Variants in FAM222B observed in about 807,000 individuals in gnomAD.
FAM222B encodes protein FAM222B.
Under a neutral mutation model 38.0 loss-of-function variants are expected in FAM222B, and 12 were observed. That is an observed-to-expected ratio of 0.32 (90% CI 0.20 to 0.51). The LOEUF is 0.51. FAM222B is among the 20% of genes least tolerant of loss of function. FAM222B has a pLI of 0.97. For missense variants in FAM222B, 716 were observed against 754.2 expected (o/e 0.95, Z 0.59); for synonymous variants, 329 against 317.2 (o/e 1.04, Z -0.40).
intron 2 of FAM222B, among the ~76,000 whole-genome samples, chr17:28,763,713 C>T (rs1478595786): frequency 1.3e-5 from 2 of 152,204 alleles, no homozygotes; most frequent in Non-Finnish European, 1.5e-5. Context: ...TCTCTCTATA[C>T]CTTATCCTTC....
intron 1 of FAM222B, among the ~76,000 whole-genome samples, chr17:28,788,227 T>G (rs1298636360): frequency 6.6e-6 from 1 of 152,156 alleles, no homozygotes; most frequent in Non-Finnish European, 1.5e-5. Flanking sequence ...AATTCAAAAG[T>G]CATTCAGAAT....
chr17:28,794,273 C>G (rs2036837750), intron 1 of FAM222B, among the ~76,000 whole-genome samples: 1 of 150,956 alleles, frequency 6.6e-6, no homozygotes, highest in African/African-American at 2.4e-5. Flanking sequence ...GGCTGGAGTG[C>G]AGTGGTGCGA....
intron 1 of FAM222B, among the ~76,000 whole-genome samples, chr17:28,822,832 A>ATAC (rs1423125822): frequency 7.0e-5 from 3 of 42,806 alleles, no homozygotes; most frequent in Non-Finnish European, 1.1e-4. Flanking sequence ...AAAAAAAAAA[A>ATAC]ATATATATAT....
At chr17:28,833,049 A>T (rs1375061578) in intron 1 of FAM222B, among the ~76,000 whole-genome samples, 1 of 149,102 alleles carries the variant, frequency 6.7e-6, no homozygotes, top group Non-Finnish European at 1.5e-5. Context: ...GGGGCCAGGC[A>T]CGGTGACTCA....
chr17:28,852,987 A>C lies in FAM222B; in HGVS notation c.-41+1963T>G, dbSNP rs1284294428. On this transcript the variant is annotated intron_variant, in intron 1 of 2. Transcript: ENST00000577513. ...GGTGGGCGGATCACCTGAGGTCGGGAGTTCAAGACCAGCCTGACCAACATG... is the reference window on the plus strand; with the variant it reads ...GGTGGGCGGATCACCTGAGGTCGGGCGTTCAAGACCAGCCTGACCAACATG... 2.0e-5 allele frequency among the ~76,000 whole-genome samples: 3 copies of C among 152,228 alleles called. No homozygotes were observed. The East Asian group carries it at 5.8e-4, about 29-fold the overall frequency.
intron 1 of FAM222B, among the ~76,000 whole-genome samples, chr17:28,778,697 G>GTATATATATATATATATATA (rs1204895077): frequency 2.4e-4 from 11 of 45,340 alleles, no homozygotes; most frequent in Admixed American, 6.8e-4. Flanking sequence ...GTGTGTGTGT[G>GTATATATATATATATATATA]TATATATATA....
intron 1 of FAM222B, among the ~76,000 whole-genome samples, chr17:28,822,832 A>AATATATATATATAT (rs1254235399): frequency 4.9e-4 from 21 of 42,792 alleles, no homozygotes; most frequent in South Asian, 1.1e-3. Context: ...AAAAAAAAAA[A>AATATATATATATAT]ATATATATAT....
At chr17:28,803,467 A>C (rs1278601481) in intron 1 of FAM222B, among the ~76,000 whole-genome samples, 2 of 150,854 alleles carry the variant, frequency 1.3e-5, no homozygotes, top group African/African-American at 4.9e-5. Context: ...CACCACACCC[A>C]CCTAATTTTT....
chr17:28,798,803 G>C (rs934098751), intron 1 of FAM222B, among the ~76,000 whole-genome samples: 2 of 151,294 alleles, frequency 1.3e-5, no homozygotes, highest in Non-Finnish European at 2.9e-5. Context: ...ATTTTTAGTA[G>C]AGACAGGGTT....
rs561441690 is a variant in FAM222B, at chr17:28,801,603, C to CTAT, written c.-40-34899_-40-34897dup. 4.5e-4 allele frequency among the ~76,000 whole-genome samples: 69 copies of CTAT among 151,934 alleles called. 1 individual carries two copies. The highest frequency in any genetic ancestry group is 1.0e-3 in the South Asian group (5 of 4,800). On this transcript the variant is annotated intron_variant, in intron 1 of 2. Coordinates refer to ENST00000581407, the MANE Select transcript of FAM222B (RefSeq NM_001077498.3). Reference sequence around the variant, plus strand: ...TCACGCCTGTAATCCCAGCACTTTACTATTATTATTATTATTATTGTTGTT... The same window carrying CTAT: ...TCACGCCTGTAATCCCAGCACTTTACTATTATTATTATTATTATTATTGTTGTT...
At chr17:28,786,656 A>G (rs1414811187) in intron 1 of FAM222B, among the ~76,000 whole-genome samples, 1 of 152,126 alleles carries the variant, frequency 6.6e-6, no homozygotes, top group African/African-American at 2.4e-5. Context: ...CCAGGTCTCT[A>G]GCAGGAAGCA....
At chr17:28,810,114 A>G (rs973925377) in intron 1 of FAM222B, among the ~76,000 whole-genome samples, 1 of 152,022 alleles carries the variant, frequency 6.6e-6, no homozygotes, top group African/African-American at 2.4e-5. Flanking sequence ...CTCCCACCTC[A>G]GCCTCCCAAG....
At position 28,756,556 on chromosome 17, in the gene FAM222B, C is replaced by T. The variant is rs1399515431; in HGVS notation, c.*1714G>A. 6.6e-6 allele frequency: 1 copy of T among 152,440 alleles called. No homozygotes were observed. Among genetic ancestry groups the T allele is most frequent in the Non-Finnish European group, 1.5e-5 (1 of 68,144 alleles). 9.4% of individuals were successfully genotyped at this position (152,440 alleles called of 1,614,324 possible). On this transcript the variant is annotated 3_prime_UTR_variant, in exon 3 of 3. Transcript: ENST00000581407. ...AGAAAAGCAGGAACTGGAAGAGGGC[C>T]CTGGGTGAGATGGCGGCCAACACCT... is the stretch of plus-strand genomic sequence containing the variant.
chr17:28,778,719 A>ATATATATATATATATT (rs1411311023), intron 1 of FAM222B, among the ~76,000 whole-genome samples: 1 of 25,490 alleles, frequency 3.9e-5, no homozygotes. Context: ...ATATATATAT[A>ATATATATATATATATT]TTTTTTTTTT....
intron 1 of FAM222B, among the ~76,000 whole-genome samples, chr17:28,809,076 G>A (rs112009892): frequency 1.4e-4 from 21 of 152,190 alleles, no homozygotes; most frequent in Admixed American, 3.9e-4. Context: ...AGGATGGGCC[G>A]GGCACGGTGG....
At chr17:28,804,193 G>A (rs1385838725) in intron 1 of FAM222B, among the ~76,000 whole-genome samples, 1 of 151,736 alleles carries the variant, frequency 6.6e-6, no homozygotes, top group Non-Finnish European at 1.5e-5. Context: ...GTCTCAGACT[G>A]AATGACACCA....
At chr17:28,760,989 G>A (rs1304043472) in intron 2 of FAM222B, among the ~76,000 whole-genome samples, 1 of 152,234 alleles carries the variant, frequency 6.6e-6, no homozygotes, top group African/African-American at 2.4e-5. Context: ...GGAGGGAATT[G>A]AGAAGAAAGG....
intron 1 of FAM222B, among the ~76,000 whole-genome samples, chr17:28,790,960 G>A (rs1461139355): frequency 2.3e-5 from 3 of 131,710 alleles, no homozygotes; most frequent in African/African-American, 8.6e-5. Context: ...GTGCAGTGGC[G>A]AGATCTTGGC....
Position 28,759,632 on chromosome 17 carries a change from G to A in FAM222B, c.327C>T (p.Ala109=), listed in dbSNP as rs1307062980. The A allele has an allele frequency of 1.9e-6, 3 of 1,613,068 alleles. No individual in the cohort carries two copies. The highest frequency in any genetic ancestry group is 1.3e-5 in the African/African-American group (1 of 75,030). ...AGLLAIVKVP[A]KSILKDFDGT... ...CGTCAAAGTCCTTGAGTATGCTTTT[G>A]GCTGGCACTTTGACAATGGCAAGCA... The change falls in exon 3 of 3, where the codon GCC becomes GCT. Residue 109 remains alanine (A), a synonymous_variant. Coordinates refer to ENST00000581407, the MANE Select transcript of FAM222B (RefSeq NM_001077498.3). The surrounding 1 kb of genome is among the most constrained non-coding windows in gnomAD (Gnocchi z 4.8).
Sources: gnomAD v4.1 joint callset for allele counts (sites outside exome capture counted in the v4.1 genomes callset) on GRCh38, gnomAD v4.1.1 for gene constraint, Gnocchi (gnomAD v3.1) non-coding constraint, MANE v1.5 for transcripts, NCBI Gene and HGNC (gene_info 2026-07-23, HGNC 2026-07-21) for gene names.